The following LGI1 variants were observed in gnomAD, a reference collection of about 807,000 sequenced individuals.
LGI1 encodes the protein leucine-rich glioma-inactivated protein 1.
LGI1 carries 11 observed loss-of-function variants against 57.7 expected under a neutral mutation model. The ratio of observed to expected loss-of-function variants is 0.19; its 90% confidence interval spans 0.12 to 0.32. The LOEUF is 0.32. Among genes scored for constraint, LGI1 ranks in the 10% least tolerant of loss-of-function variants. LGI1 has a pLI of 1.00. For missense variants in LGI1, 422 were observed against 661.9 expected (o/e 0.64, Z 3.98); for synonymous variants, 222 against 241.9 (o/e 0.92, Z 0.76).
intron 2 of LGI1, chr10:93,762,803 G>A (rs1405058446): frequency 1.3e-5 from 2 of 151,946 alleles, no homozygotes; most frequent in African/African-American, 4.8e-5. Context: ...TTAGATTCGA[G>A]GGTCCATGTA....
intron 2 of LGI1, chr10:93,765,213 C>T (rs1204377862): frequency 6.6e-6 from 1 of 152,174 alleles, no homozygotes; most frequent in African/African-American, 2.4e-5. Flanking sequence ...GGGTAGGTCA[C>T]AAAACTACCT....
rs779861264 is a variant in LGI1 at position 93,793,054 on chromosome 10, G to A, written c.674-132G>A. ...AAAAAAATTATGAACCATTGACAAT[G>A]CTTCATGTGTTTAAAAGTAAAATGG... On this transcript the variant is annotated intron_variant, in intron 6 of 7. Coordinates refer to ENST00000371418, the MANE Select transcript of LGI1 (RefSeq NM_005097.4). The A allele has an allele frequency of 3.5e-4, 393 of 1,138,414 alleles. No homozygotes were observed. The Middle Eastern group carries it at 3.5e-3, about 10-fold the overall frequency. The allele number at this position is 1,138,414 out of a possible 1,614,324, so 70.5% of individuals were successfully genotyped here. A position where few individuals can be genotyped will look rare whatever the true frequency, so the allele number is the denominator to read the frequency against.
chr10:93,783,330 C>G (rs545325090), intron 4 of LGI1, among the ~76,000 whole-genome samples: 1 of 152,074 alleles, frequency 6.6e-6, no homozygotes, highest in East Asian at 1.9e-4. Flanking sequence ...GAGCCGAGAT[C>G]GCGCCACTGC....
chr10:93,758,886 C>A lies in LGI1; in HGVS notation c.287+55C>A. ...TAATATGGCATATATTTGGATAAGC[C>A]TTCTAGTAAAATGATCTCAATATTA... On this transcript the variant is annotated intron_variant, in intron 2 of 7. Coordinates refer to ENST00000371418, the MANE Select transcript of LGI1 (RefSeq NM_005097.4). The surrounding 1 kb of genome is among the most constrained non-coding windows in gnomAD (Gnocchi z 4.7). 2 of 1,215,314 alleles carry A rather than the reference C, an allele frequency of 1.6e-6. No individual in the cohort carries two copies. The highest frequency in any genetic ancestry group is 2.4e-6 in the Non-Finnish European group (2 of 821,466). The allele number at this position is 1,215,314 out of a possible 1,614,324, so 75.3% of individuals were successfully genotyped here.
intron 2 of LGI1, chr10:93,764,673 T>C (rs1211140484): frequency 6.6e-6 from 1 of 151,896 alleles, no homozygotes; most frequent in East Asian, 1.9e-4. Flanking sequence ...AGTCTTGATA[T>C]CTATATCTAC....
chr10:93,760,946 C>T (rs1308902925), intron 2 of LGI1, among the ~76,000 whole-genome samples: 1 of 152,184 alleles, frequency 6.6e-6, no homozygotes, highest in East Asian at 1.9e-4. Context: ...CAGAGCTGAA[C>T]TTATGCAAAA....
intron 2 of LGI1, among the ~76,000 whole-genome samples, chr10:93,775,207 A>G (rs569429525): frequency 6.6e-6 from 1 of 152,308 alleles, no homozygotes; most frequent in African/African-American, 2.4e-5. Context: ...TTACCCCAAA[A>G]GATGCCCCTT....
At chr10:93,774,754 C>CGTAGGTGGGGTG (rs2059775249) in intron 2 of LGI1, among the ~76,000 whole-genome samples, 2 of 152,064 alleles carry the variant, frequency 1.3e-5, no homozygotes, top group Non-Finnish European at 2.9e-5. Flanking sequence ...GGGTTGGGCA[C>CGTAGGTGGGGTG]GGTTTCCCTT....
Position 93,776,261 on chromosome 10 carries a change from AT to A in LGI1, c.288-1116del, listed in dbSNP as rs201505209. Among the ~76,000 whole-genome samples the A allele has an allele frequency of 7.6e-3, 1,156 of 152,252 alleles. 7 individuals are homozygous for A. Among genetic ancestry groups the A allele is most frequent in the Non-Finnish European group, 0.012 (845 of 68,012 alleles). On this transcript the variant is annotated intron_variant, in intron 2 of 7. Coordinates refer to ENST00000371418, the MANE Select transcript of LGI1 (RefSeq NM_005097.4). The stretch of plus-strand genomic sequence containing the variant: ...TTTGGTTGGTTCATTCCTACCCCCC[AT>A]TCTCCACATTTTTATGAAAAATTTT...
At chr10:93,784,319 T>TGA (rs1168765322) in intron 4 of LGI1, among the ~76,000 whole-genome samples, 3 of 152,158 alleles carry the variant, frequency 2.0e-5, no homozygotes, top group Non-Finnish European at 4.4e-5. Flanking sequence ...GCCTAAAGTA[T>TGA]CACCTATCCT....
chr10:93,769,930 A>C (rs2059718016), intron 2 of LGI1: 1 of 152,222 alleles, frequency 6.6e-6, no homozygotes, highest in South Asian at 2.1e-4. Flanking sequence ...ATGGCAATCA[A>C]GATATTATAG....
intron 4 of LGI1, among the ~76,000 whole-genome samples, chr10:93,784,146 A>G (rs2059875506): frequency 6.6e-6 from 1 of 152,212 alleles, no homozygotes; most frequent in Non-Finnish European, 1.5e-5. Flanking sequence ...CTAGAAATAA[A>G]AGAACATTGA....
chr10:93,780,361 T>A (rs765004669), intron 4 of LGI1: 6 of 152,222 alleles, frequency 3.9e-5, no homozygotes, highest in Non-Finnish European at 5.9e-5. Flanking sequence ...CCATTATTTA[T>A]GGCGTATTAA....
At chr10:93,771,502 CAT>C (rs1806489276) in intron 2 of LGI1, 1 of 151,904 alleles carries the variant, frequency 6.6e-6, no homozygotes, top group Admixed American at 6.6e-5. Flanking sequence ...GAATGATAGA[CAT>C]GGGAGACTGA....
At chr10:93,777,331 G>T in intron 2 of LGI1, 48 bp from the exon 3 acceptor site, 2 of 1,545,878 alleles carry the variant, frequency 1.3e-6, no homozygotes, top group South Asian at 2.2e-5. Context: ...AGCCAAGATT[G>T]ACAATCTGTC....
At chr10:93,782,283 G>C (rs180689003) in intron 4 of LGI1, among the ~76,000 whole-genome samples, 1 of 152,150 alleles carries the variant, frequency 6.6e-6, no homozygotes, top group Non-Finnish European at 1.5e-5. Flanking sequence ...TTTGGGGCAG[G>C]CCATTTAGCT....
intron 4 of LGI1, chr10:93,788,885 T>G (rs1333091490): frequency 1.4e-5 from 2 of 146,824 alleles, no homozygotes; most frequent in African/African-American, 5.0e-5. Flanking sequence ...GTATGGGCTC[T>G]TTAGTTTTAG....
At chr10:93,764,923 C>A (rs1400277076) in intron 2 of LGI1, 4 of 152,174 alleles carry the variant, frequency 2.6e-5, no homozygotes, top group African/African-American at 9.6e-5. Context: ...AGTTCCCCAG[C>A]AGAACTTGCT....
chr10:93,794,844 C>A (rs2059966647), intron 7 of LGI1: 1 of 152,178 alleles, frequency 6.6e-6, no homozygotes, highest in Admixed American at 6.5e-5. Flanking sequence ...TTAGACAAGG[C>A]ATGGAGGGTC....
Sources: gnomAD v4.1 joint callset for allele counts (sites outside exome capture counted in the v4.1 genomes callset) on GRCh38, gnomAD v4.1.1 for gene constraint, Gnocchi (gnomAD v3.1) non-coding constraint, MANE v1.5 for transcripts, NCBI Gene and HGNC (gene_info 2026-07-23, HGNC 2026-07-21) for gene names.